The following GPHN variants were observed in gnomAD, a reference collection of about 807,000 sequenced individuals.
GPHN encodes the protein gephyrin.
GPHN carries 17 observed loss-of-function variants against 95.5 expected under a neutral mutation model. The ratio of observed to expected loss-of-function variants is 0.18; its 90% CI spans 0.12 to 0.27. The LOEUF (loss-of-function observed/expected upper bound fraction) is 0.27. Among genes scored for constraint, GPHN ranks in the 10% least tolerant of loss-of-function variants. The pLI is 1.00. For synonymous variants in GPHN, 320 were observed against 322.5 expected (o/e 0.99, Z 0.08); for missense variants, 660 against 978.1 (o/e 0.67, Z 4.34).
intron 4 of GPHN, among the ~76,000 whole-genome samples, chr14:66,865,844 T>C (rs2063202882): frequency 6.6e-6 from 1 of 152,218 alleles, no homozygotes; most frequent in Non-Finnish European, 1.5e-5. Context: ...ATAATTTTTG[T>C]TGATTAATTC....
At chr14:67,381,997 G>GT in the GPHN span, among the ~76,000 whole-genome samples, 1 of 152,166 alleles carries the variant, frequency 6.6e-6, no homozygotes, top group Admixed American at 6.5e-5. Context: ...TTAAAAAAGA[G>GT]TAACACTTTC....
chr14:67,277,445 G>A, the GPHN span, among the ~76,000 whole-genome samples: 2 of 152,176 alleles, frequency 1.3e-5, no homozygotes, highest in African/African-American at 4.8e-5. Flanking sequence ...TATGACCCAA[G>A]ATGTTTGAGA....
At chr14:66,609,087 T>A (rs1198344454) in intron 1 of GPHN, among the ~76,000 whole-genome samples, 1 of 152,184 alleles carries the variant, frequency 6.6e-6, no homozygotes, top group African/African-American at 2.4e-5. Context: ...CTATGGGCTA[T>A]ATGCTTAATT....
intron 1 of GPHN, among the ~76,000 whole-genome samples, chr14:66,657,216 G>A (rs762220192): frequency 1.2e-4 from 18 of 152,332 alleles, no homozygotes; most frequent in East Asian, 3.9e-4. Flanking sequence ...GGCAAGGCCC[G>A]AATTCTCTTC....
intron 12 of GPHN, among the ~76,000 whole-genome samples, chr14:67,094,421 A>G (rs987702526): frequency 1.3e-5 from 2 of 152,204 alleles, no homozygotes; most frequent in African/African-American, 2.4e-5. Flanking sequence ...ACTTCTTTCA[A>G]ATTAAATTCT....
chr14:67,210,665 T>C, the GPHN span, among the ~76,000 whole-genome samples: 7 of 151,880 alleles, frequency 4.6e-5, no homozygotes, highest in Non-Finnish European at 5.9e-5. Context: ...ATTGTAAAAG[T>C]AAATTGAATC....
chr14:66,840,925 G>T (rs917597519), intron 4 of GPHN, among the ~76,000 whole-genome samples: 1 of 149,482 alleles, frequency 6.7e-6, no homozygotes, highest in Admixed American at 6.8e-5. Flanking sequence ...AGCCCCATAA[G>T]AAGTTAATGC....
At chr14:66,554,217 G>A (rs766525919) in intron 1 of GPHN, among the ~76,000 whole-genome samples, 12 of 152,108 alleles carry the variant, frequency 7.9e-5, no homozygotes, top group Non-Finnish European at 1.8e-4. Context: ...GCAGAGATAG[G>A]GATAGAAATA....
At chr14:67,590,247 A>C in the GPHN span, 1 of 1,154,648 alleles carries the variant, frequency 8.7e-7, no homozygotes, top group Non-Finnish European at 1.2e-6. Flanking sequence ...ATCCACTTGC[A>C]AATTTTTTTT....
intron 9 of GPHN, among the ~76,000 whole-genome samples, chr14:67,009,842 T>C (rs1440746978): frequency 6.6e-6 from 1 of 152,038 alleles, no homozygotes; most frequent in Non-Finnish European, 1.5e-5. Flanking sequence ...CACTGCAACC[T>C]CCACCTCCCA....
the GPHN span, chr14:67,542,092 G>A: frequency 1.1e-5 from 12 of 1,133,652 alleles, no homozygotes; most frequent in African/African-American, 1.9e-4. Context: ...TCAACTTTCA[G>A]TAAGATGCTT....
At chr14:67,161,663 A>G (rs1022456621) in intron 19 of GPHN, among the ~76,000 whole-genome samples, 4 of 152,138 alleles carry the variant, frequency 2.6e-5, no homozygotes, top group African/African-American at 9.7e-5. Flanking sequence ...TGGGAGGCTA[A>G]GGCGAGAGGA....
the GPHN span, chr14:67,359,745 C>T: frequency 6.2e-7 from 1 of 1,610,368 alleles, no homozygotes; most frequent in Admixed American, 1.7e-5. Context: ...GCAACCGAGG[C>T]TGCAATAGCT....
chr14:67,171,831 A>G (rs1347638928), intron 21 of GPHN, among the ~76,000 whole-genome samples: 3 of 152,046 alleles, frequency 2.0e-5, no homozygotes, highest in Non-Finnish European at 4.4e-5. Flanking sequence ...CGCATCCCCC[A>G]GCTGGATCAG....
At chr14:66,597,040 T>G (rs958602849) in intron 1 of GPHN, among the ~76,000 whole-genome samples, 1 of 152,210 alleles carries the variant, frequency 6.6e-6, no homozygotes. Context: ...AACTGCTTCA[T>G]GCTGACAGGG....
intron 15 of GPHN, 61 bp from the exon 16 acceptor site, chr14:67,112,956 CT>C: frequency 6.6e-7 from 1 of 1,505,498 alleles, no homozygotes; most frequent in Non-Finnish European, 9.2e-7. Flanking sequence ...TAAAGTTTCC[CT>C]CTGAGTTGAG....
At chr14:66,654,838 A>G (rs938117066) in intron 1 of GPHN, among the ~76,000 whole-genome samples, 1 of 152,146 alleles carries the variant, frequency 6.6e-6, no homozygotes, top group African/African-American at 2.4e-5. Flanking sequence ...AAGGCATGAG[A>G]TAGGTCGAGG....
chr14:66,596,001 C>G (rs2061956524), intron 1 of GPHN, among the ~76,000 whole-genome samples: 2 of 152,058 alleles, frequency 1.3e-5, no homozygotes, highest in South Asian at 4.1e-4. Flanking sequence ...TGGGTAGCTC[C>G]TCTCTGCAGG....
the GPHN span, among the ~76,000 whole-genome samples, chr14:67,734,768 G>A: frequency 3.9e-5 from 6 of 152,270 alleles, no homozygotes; most frequent in East Asian, 3.9e-4. Flanking sequence ...GAGTGCTGAC[G>A]GAGACACTCT....
Sources: allele counts gnomAD v4.1 joint callset (sites outside exome capture counted in the v4.1 genomes callset), GRCh38; gene constraint gnomAD v4.1.1; transcripts MANE v1.5; gene names NCBI Gene and HGNC (gene_info 2026-07-23, HGNC 2026-07-21).